Variants in PCGF6 observed in about 807,000 individuals in gnomAD.
The protein encoded by PCGF6 is polycomb group RING finger protein 6.
Under a neutral mutation model 45.5 loss-of-function variants are expected in PCGF6, and 24 were observed. That is an observed-to-expected ratio of 0.53 (90% confidence interval 0.38 to 0.74). PCGF6 has a LOEUF of 0.74. PCGF6 is among the 30% of genes least tolerant of loss of function. The pLI, the probability that PCGF6 is intolerant of heterozygous loss-of-function variation, is 0.00. For synonymous variants in PCGF6, 152 were observed against 162.1 expected (o/e 0.94, Z 0.47); for missense variants, 356 against 443.2 (o/e 0.80, Z 1.77).
chr10:103,339,438 C>T (rs1441883232), intron 6 of PCGF6, among the ~76,000 whole-genome samples: 5 of 151,508 alleles, frequency 3.3e-5, no homozygotes, highest in Non-Finnish European at 4.4e-5. Flanking sequence ...ACACTGAATA[C>T]CCATCATAAC....
chr10:103,324,605 C>A (rs1458051575), intron 8 of PCGF6, among the ~76,000 whole-genome samples: 1 of 150,650 alleles, frequency 6.6e-6, no homozygotes, highest in Admixed American at 6.6e-5. Flanking sequence ...ACTAAAAATA[C>A]AAAAATTAGC....
intron 1 of PCGF6, among the ~76,000 whole-genome samples, chr10:103,349,344 A>C (rs1445663807): frequency 6.6e-6 from 1 of 151,834 alleles, no homozygotes; most frequent in African/African-American, 2.4e-5. Flanking sequence ...CACCGCGCTC[A>C]GTCCACCTTC....
chr10:103,324,189 T>C (rs2093208139), intron 8 of PCGF6, among the ~76,000 whole-genome samples: 1 of 152,070 alleles, frequency 6.6e-6, no homozygotes, highest in Admixed American at 6.6e-5. Context: ...TCCACCTGCC[T>C]TGGCCTCCCA....
intron 8 of PCGF6, among the ~76,000 whole-genome samples, chr10:103,314,636 T>A (rs2093168252): frequency 2.0e-5 from 3 of 152,170 alleles, no homozygotes; most frequent in South Asian, 4.1e-4. Context: ...GGAAAGTATA[T>A]CTTTTTAAAT....
chr10:103,330,665 C>T (rs1464740064), intron 7 of PCGF6, among the ~76,000 whole-genome samples: 2 of 152,170 alleles, frequency 1.3e-5, no homozygotes, highest in Non-Finnish European at 2.9e-5. Context: ...AGGTGGCTCA[C>T]GCCTGTAATC....
chr10:103,313,575 A>G (rs185068767), intron 9 of PCGF6, among the ~76,000 whole-genome samples: 7 of 152,198 alleles, frequency 4.6e-5, no homozygotes, highest in Non-Finnish European at 8.8e-5. Flanking sequence ...AAAAAAATGA[A>G]TAAATAAAAA....
At chr10:103,336,688 A>G (rs1366294934) in intron 6 of PCGF6, among the ~76,000 whole-genome samples, 1 of 152,138 alleles carries the variant, frequency 6.6e-6, no homozygotes, top group Non-Finnish European at 1.5e-5. Flanking sequence ...TTGCCTGGCC[A>G]ACATGGTAAA....
intron 6 of PCGF6, among the ~76,000 whole-genome samples, chr10:103,338,177 G>T (rs1007214063): frequency 6.6e-6 from 1 of 151,804 alleles, no homozygotes; most frequent in African/African-American, 2.4e-5. Flanking sequence ...GGAGGCAGAG[G>T]TTGCAGTGAG....
At chr10:103,346,569 A>G (rs2093300343) in intron 5 of PCGF6, among the ~76,000 whole-genome samples, 1 of 152,198 alleles carries the variant, frequency 6.6e-6, no homozygotes, top group African/African-American at 2.4e-5. Context: ...GGTTGCAGTG[A>G]GCCAAGATCA....
chr10:103,325,852 TAAA>T (rs34739627), intron 8 of PCGF6, among the ~76,000 whole-genome samples: 263 of 135,228 alleles, frequency 1.9e-3, no homozygotes, highest in Admixed American at 2.0e-3. Context: ...CCGCATCTCT[TAAA>T]AAAAAAAAAA....
At chr10:103,345,481 C>T (rs1403790243) in intron 5 of PCGF6, among the ~76,000 whole-genome samples, 1 of 151,668 alleles carries the variant, frequency 6.6e-6, no homozygotes, top group Admixed American at 6.6e-5. Context: ...TTACTATAGT[C>T]CCATGATATA....
chr10:103,329,991 G>A (rs1182576642), intron 7 of PCGF6, among the ~76,000 whole-genome samples: 1 of 142,052 alleles, frequency 7.0e-6, no homozygotes, highest in East Asian at 2.1e-4. Context: ...GGATGGTATC[G>A]ATCTCCTGAC....
At chr10:103,320,627 C>T (rs1051548024) in intron 8 of PCGF6, among the ~76,000 whole-genome samples, 2 of 151,812 alleles carry the variant, frequency 1.3e-5, no homozygotes, top group Admixed American at 6.6e-5. Flanking sequence ...GCGGAGGTTG[C>T]GGTGAGCCGA....
intron 6 of PCGF6, among the ~76,000 whole-genome samples, chr10:103,342,172 G>C (rs908788317): frequency 6.6e-6 from 1 of 151,628 alleles, no homozygotes; most frequent in African/African-American, 2.4e-5. Context: ...CTAATCTCAA[G>C]TGATCCGCCC....
intron 9 of PCGF6, among the ~76,000 whole-genome samples, chr10:103,310,005 G>A (rs1265665825): frequency 2.6e-5 from 4 of 150,994 alleles, no homozygotes; most frequent in Non-Finnish European, 4.4e-5. Context: ...AGGCTGGAGT[G>A]CAATGGTGCA....
Position 103,328,879 on chromosome 10 carries a change from G to A in PCGF6, c.811-2247C>T, listed in dbSNP as rs577417244. Among the ~76,000 whole-genome samples the A allele has an allele frequency of 4.9e-4, 75 of 151,878 alleles. No homozygotes were observed. In the South Asian group the frequency reaches 0.015, roughly 31 times the overall value. ...CGATTCTCTTGCCTCAGCCTCCCAA[G>A]TAGCTGGGACTACAGGCGTGTACCA... On this transcript the variant is annotated intron_variant, in intron 7 of 9. Coordinates refer to ENST00000369847, the MANE Select transcript of PCGF6 (RefSeq NM_001011663.2).
intron 5 of PCGF6, among the ~76,000 whole-genome samples, chr10:103,347,029 G>A (rs542226589): frequency 6.6e-6 from 1 of 152,244 alleles, no homozygotes; most frequent in South Asian, 2.1e-4. Flanking sequence ...ACCTCATAAA[G>A]TGGCAGGGCT....
At chr10:103,346,844 C>T (rs137888444) in intron 5 of PCGF6, among the ~76,000 whole-genome samples, 7 of 152,280 alleles carry the variant, frequency 4.6e-5, no homozygotes, top group African/African-American at 1.4e-4. Context: ...ATGTCCATTC[C>T]GTGACATTAC....
intron 9 of PCGF6, among the ~76,000 whole-genome samples, chr10:103,306,849 A>G (rs775610614): frequency 2.6e-5 from 4 of 152,012 alleles, no homozygotes; most frequent in Non-Finnish European, 5.9e-5. Context: ...CATGCCTATA[A>G]TCCTAGCACT....
Sources: allele counts gnomAD v4.1 joint callset (sites outside exome capture counted in the v4.1 genomes callset), GRCh38; gene constraint gnomAD v4.1.1; transcripts MANE v1.5; gene names NCBI Gene and HGNC (gene_info 2026-07-23, HGNC 2026-07-21).